Variants in TRPM3 observed in about 807,000 individuals in gnomAD.
The protein encoded by TRPM3 is long transient receptor potential channel 3.
A neutral mutation model predicts 181.2 loss-of-function variants in TRPM3; 77 were observed. That is an observed-to-expected ratio of 0.42 (90% confidence interval 0.35 to 0.51). The LOEUF (loss-of-function observed/expected upper bound fraction) is 0.51. TRPM3 is among the 20% of genes least tolerant of loss of function. The probability of loss-of-function intolerance (pLI) is 0.01; values close to 1 mark genes in which losing one functional copy is unlikely to be tolerated. For synonymous variants in TRPM3, 745 were observed against 796.4 expected (o/e 0.94, Z 1.09); for missense variants, 1,759 against 2,196.7 (o/e 0.80, Z 3.98).
At chr9:71,321,498 T>C (rs748155359) in intron 1 of TRPM3, among the ~76,000 whole-genome samples, 9 of 152,188 alleles carry the variant, frequency 5.9e-5, no homozygotes, top group Non-Finnish European at 8.8e-5. Context: ...AAATATCACT[T>C]TCATCTCATA....
At chr9:71,232,772 A>G (rs12350547) in intron 1 of TRPM3, among the ~76,000 whole-genome samples, 40,739 of 151,948 alleles carry the variant, frequency 0.27, 6,029 homozygotes, top group Middle Eastern at 0.46. Flanking sequence ...TGCTAGGATT[A>G]CAGGAGTGAG....
At chr9:71,195,888 A>G (rs1565327538) in intron 1 of TRPM3, among the ~76,000 whole-genome samples, 1 of 152,060 alleles carries the variant, frequency 6.6e-6, no homozygotes, top group Non-Finnish European at 1.5e-5. Context: ...GATCTCACTT[A>G]TAAGTGGGAG....
chr9:71,177,574 T>TA (rs147562506), intron 1 of TRPM3, among the ~76,000 whole-genome samples: 1,752 of 152,270 alleles, frequency 0.012, 30 homozygotes, highest in African/African-American at 0.04. Flanking sequence ...GACTGTACAT[T>TA]AAAGACCTAA....
At chr9:70,839,314 A>G (rs1415230) in intron 5 of TRPM3, among the ~76,000 whole-genome samples, 80,347 of 151,920 alleles carry the variant, frequency 0.53, 21,877 homozygotes, top group Non-Finnish European at 0.56. Flanking sequence ...CTTAAGTAAC[A>G]TGAAGCCCAG....
intron 22 of TRPM3, among the ~76,000 whole-genome samples, chr9:70,588,550 T>C (rs937177944): frequency 1.3e-5 from 2 of 151,808 alleles, no homozygotes; most frequent in African/African-American, 2.4e-5. Context: ...ATGAGCAGCA[T>C]TTCAGAAGGC....
chr9:70,909,733 A>C (rs2096518337), intron 1 of TRPM3, among the ~76,000 whole-genome samples: 1 of 152,222 alleles, frequency 6.6e-6, no homozygotes, highest in African/African-American at 2.4e-5. Flanking sequence ...TAAGATCAAG[A>C]TTATTCAACT....
intron 1 of TRPM3, among the ~76,000 whole-genome samples, chr9:71,226,459 G>A (rs76900373): frequency 0.026 from 3,973 of 151,880 alleles, 170 homozygotes; most frequent in African/African-American, 0.091. Flanking sequence ...TTAAAGACAC[G>A]TAGACTGAAA....
At chr9:71,134,035 G>T (rs907738576) in intron 1 of TRPM3, among the ~76,000 whole-genome samples, 1 of 151,782 alleles carries the variant, frequency 6.6e-6, no homozygotes, top group South Asian at 2.1e-4. Context: ...GCGCGCGCGT[G>T]TCTGTGTTTG....
At chr9:70,854,009 G>T (rs1785534491) in intron 3 of TRPM3, among the ~76,000 whole-genome samples, 1 of 152,122 alleles carries the variant, frequency 6.6e-6, no homozygotes, top group Admixed American at 6.5e-5. Context: ...AAGCTCTCCA[G>T]GTGCTTTAAT....
intron 1 of TRPM3, among the ~76,000 whole-genome samples, chr9:71,363,620 C>T (rs578099615): frequency 2.0e-5 from 3 of 152,250 alleles, no homozygotes; most frequent in South Asian, 4.1e-4. Flanking sequence ...GCCCAGAAAA[C>T]GTAAAAATGT....
intron 1 of TRPM3, among the ~76,000 whole-genome samples, chr9:71,140,429 A>G (rs914828781): frequency 1.3e-5 from 2 of 152,056 alleles, no homozygotes; most frequent in Non-Finnish European, 2.9e-5. Flanking sequence ...AAGTACAGCT[A>G]TTTCCCTTCC....
At chr9:70,816,313 G>T (rs911896945) in intron 6 of TRPM3, among the ~76,000 whole-genome samples, 8 of 152,186 alleles carry the variant, frequency 5.3e-5, no homozygotes, top group African/African-American at 1.9e-4. Context: ...CAAATCATTA[G>T]TTATCACTTA....
chr9:71,158,346 ACAACACTTCTAAACC>A (rs2076104427), intron 1 of TRPM3, among the ~76,000 whole-genome samples: 1 of 152,158 alleles, frequency 6.6e-6, no homozygotes, highest in African/African-American at 2.4e-5. Flanking sequence ...TGATTTGAGT[ACAACACTTCTAAACC>A]CATACTACCT....
intron 1 of TRPM3, among the ~76,000 whole-genome samples, chr9:71,077,192 C>T (rs554832034): frequency 1.3e-5 from 2 of 152,304 alleles, no homozygotes; most frequent in South Asian, 4.1e-4. Context: ...CTTCCTGAAT[C>T]AAAATCCCGT....
At position 70,681,464 on chromosome 9, in the gene TRPM3, G is replaced by A. The variant is rs372896992; in HGVS notation, c.1345+42C>T. The A allele has an allele frequency of 1.3e-4, 192 of 1,535,602 alleles. 2 individuals carry two copies. The South Asian group carries it at 1.5e-3, about 12-fold the overall frequency. ...AGACATAAGGTCACTGTATTAATTCGTTTAAATTATTTTCACACTCTCTGG... is the reference window on the plus strand; with the variant it reads ...AGACATAAGGTCACTGTATTAATTCATTTAAATTATTTTCACACTCTCTGG... On this transcript the variant is annotated intron_variant, in intron 9 of 25. Transcript: ENST00000677713.
intron 1 of TRPM3, among the ~76,000 whole-genome samples, chr9:70,975,667 A>T (rs1590217937): frequency 6.6e-6 from 1 of 152,182 alleles, no homozygotes; most frequent in African/African-American, 2.4e-5. Flanking sequence ...AAAGATTTGC[A>T]TTCTGAGGTG....
intron 1 of TRPM3, among the ~76,000 whole-genome samples, chr9:71,025,517 C>T (rs1250359051): frequency 6.6e-6 from 1 of 152,154 alleles, no homozygotes; most frequent in African/African-American, 2.4e-5. Flanking sequence ...ATGATCTCTC[C>T]TAGGGAAAAT....
chr9:71,244,427 C>T (rs949568221), intron 1 of TRPM3, among the ~76,000 whole-genome samples: 2 of 152,146 alleles, frequency 1.3e-5, no homozygotes, highest in African/African-American at 4.8e-5. Flanking sequence ...CTCATACTCT[C>T]AGCACTCTGC....
At chr9:70,810,430 GATCAGGA>G (rs771008409) in intron 6 of TRPM3, among the ~76,000 whole-genome samples, 1 of 151,138 alleles carries the variant, frequency 6.6e-6, no homozygotes, top group Non-Finnish European at 1.5e-5. Context: ...ATGGGTACAT[GATCAGGA>G]GGTCCTCTGC....
Sources: gnomAD v4.1 joint callset for allele counts (sites outside exome capture counted in the v4.1 genomes callset) on GRCh38, gnomAD v4.1.1 for gene constraint, MANE v1.5 for transcripts, NCBI Gene and HGNC (gene_info 2026-07-23, HGNC 2026-07-21) for gene names.